PCDHGB1: variants seen among roughly 807,000 people sequenced by gnomAD.
PCDHGB1 encodes protocadherin gamma subfamily B, 1.
A neutral mutation model predicts 56.6 loss-of-function variants in PCDHGB1; 34 were observed. The observed-to-expected ratio is 0.60, with a 90% CI of 0.46 to 0.80. PCDHGB1 has a LOEUF of 0.80. Among genes scored for constraint, PCDHGB1 ranks in the 30% least tolerant of loss-of-function variants. The pLI is 0.00. For synonymous variants in PCDHGB1, 561 were observed against 505.9 expected (o/e 1.11, Z -1.46); for missense variants, 1,278 against 1,204.6 (o/e 1.06, Z -0.90).
At position 141,438,243 on chromosome 5, in the gene PCDHGB1, A is replaced by C. The variant is rs1445738408; in HGVS notation, c.2410-56564A>C. ...TGGTTCAGGAAAATGTTTTTAAAAA[A>C]CTGTCATTGAAGAGACCATAGAATC... On this transcript the variant is annotated intron_variant, in intron 1 of 3. Coordinates refer to ENST00000523390, the MANE Select transcript of PCDHGB1 (RefSeq NM_018922.3). Among the ~76,000 whole-genome samples, 3 of 152,250 alleles carry C rather than the reference A, an allele frequency of 2.0e-5. No individual in the cohort carries two copies. In the East Asian group the frequency reaches 5.8e-4, roughly 29 times the overall value.
At chr5:141,384,331 G>C (rs376216978) in intron 1 of PCDHGB1, 1 of 1,613,728 alleles carries the variant, frequency 6.2e-7, no homozygotes, top group Non-Finnish European at 8.5e-7. Flanking sequence ...GACTGCACAG[G>C]ACCACGACAG....
At chr5:141,499,620 G>A (rs557854340) in intron 2 of PCDHGB1, among the ~76,000 whole-genome samples, 1 of 150,986 alleles carries the variant, frequency 6.6e-6, no homozygotes, top group Non-Finnish European at 1.5e-5. Context: ...TCCTGTCCTT[G>A]GATTCTTTTG....
At chr5:141,383,709 C>T in intron 1 of PCDHGB1, 1 of 1,613,896 alleles carries the variant, frequency 6.2e-7, no homozygotes, top group Non-Finnish European at 8.5e-7. Context: ...TCGACCTGGA[C>T]GAGGGAGTCA....
chr5:141,375,643 CGACTAT>C, intron 1 of PCDHGB1: 1 of 1,614,210 alleles, frequency 6.2e-7, no homozygotes, highest in Non-Finnish European at 8.5e-7. Context: ...TGCGCTCCTT[CGACTAT>C]GAGCAGTTGA....
At chr5:141,433,212 T>C (rs747556366) in intron 1 of PCDHGB1, 75 of 1,570,956 alleles carry the variant, frequency 4.8e-5, no homozygotes, top group Non-Finnish European at 6.2e-5. Flanking sequence ...TTCTTTCTTT[T>C]TTTTTTTTAA....
intron 1 of PCDHGB1, chr5:141,427,468 C>T: frequency 2.0e-6 from 1 of 509,312 alleles, no homozygotes; most frequent in Middle Eastern, 3.0e-4. Flanking sequence ...ATCGAATCTT[C>T]CGCCAATAAT....
intron 1 of PCDHGB1, chr5:141,421,223 C>T: frequency 6.3e-7 from 1 of 1,580,314 alleles, no homozygotes. Context: ...GGCTTAGAGC[C>T]TGCCATGGCG....
intron 1 of PCDHGB1, chr5:141,479,313 G>C (rs926148640): frequency 2.0e-5 from 3 of 152,456 alleles, no homozygotes; most frequent in Non-Finnish European, 2.9e-5. Context: ...AAAACATAAA[G>C]TAGCCAGACT....
chr5:141,393,121 T>A, intron 1 of PCDHGB1: 1 of 1,613,428 alleles, frequency 6.2e-7, no homozygotes, highest in African/African-American at 1.3e-5. Context: ...CCGCGGTGTC[T>A]GATAAATATT....
At chr5:141,507,183 C>T (rs2099859036) in intron 3 of PCDHGB1, 1 of 152,428 alleles carries the variant, frequency 6.6e-6, no homozygotes, top group Non-Finnish European at 1.5e-5. Flanking sequence ...TCCTCGAGCT[C>T]TGCTTTATTC....
Position 141,365,034 on chromosome 5 carries a change from C to T in PCDHGB1, c.2409+12365C>T, listed in dbSNP as rs759635927. The T allele has an allele frequency of 8.7e-6, 14 of 1,613,758 alleles. No homozygotes were observed. The African/African-American group carries it at 1.7e-4, about 20-fold the overall frequency. ...CACATCCGTGTTACGGTCCTCGACGCAAACGACAATGCGCCCCTGTTCACC... is the reference window on the plus strand; with the variant it reads ...CACATCCGTGTTACGGTCCTCGACGTAAACGACAATGCGCCCCTGTTCACC... On this transcript the variant is annotated intron_variant, in intron 1 of 3. Coordinates refer to ENST00000523390, the MANE Select transcript of PCDHGB1 (RefSeq NM_018922.3).
At chr5:141,413,182 G>T (rs752788034) in intron 1 of PCDHGB1, 2 of 1,604,164 alleles carry the variant, frequency 1.2e-6, no homozygotes, top group Admixed American at 3.4e-5. Flanking sequence ...TACAATGGCC[G>T]CTCAAAGGAA....
At chr5:141,388,606 T>G in intron 1 of PCDHGB1, 1 of 1,613,906 alleles carries the variant, frequency 6.2e-7, no homozygotes, top group South Asian at 1.1e-5. Context: ...AATGCTCCAG[T>G]GTTCAGTCAA....
intron 1 of PCDHGB1, among the ~76,000 whole-genome samples, chr5:141,463,542 G>A (rs1376087953): frequency 7.1e-6 from 1 of 141,810 alleles, no homozygotes; most frequent in African/African-American, 2.6e-5. Context: ...TCCGGCTCCC[G>A]GGTTCATGCC....
chr5:141,465,995 A>C lies in PCDHGB1; in HGVS notation c.2410-28812A>C, dbSNP rs551920109. On this transcript the variant is annotated intron_variant, in intron 1 of 3. Coordinates refer to ENST00000523390, the MANE Select transcript of PCDHGB1 (RefSeq NM_018922.3). ...AAATTAGCCGGGCATGGTGGCAGGC[A>C]CCTGTAGTCCCAGCTACTCGGGAGG... Among the ~76,000 whole-genome samples the C allele has an allele frequency of 1.3e-4, 20 of 151,982 alleles. No homozygotes were observed. In the South Asian group the frequency reaches 4.2e-3, roughly 32 times the overall value.
intron 1 of PCDHGB1, chr5:141,357,263 G>A (rs2149795204): frequency 1.9e-6 from 3 of 1,613,814 alleles, no homozygotes; most frequent in East Asian, 4.5e-5. Context: ...GACGACTCGG[G>A]CCTCACACTC....
chr5:141,370,392 G>GGGATGGGAAATAGCTCC, intron 1 of PCDHGB1: 1 of 1,544,790 alleles, frequency 6.5e-7, no homozygotes, highest in Non-Finnish European at 8.7e-7. Context: ...CGCAGAGAGC[G>GGGATGGGAAATAGCTCC]GGATGGGAAA....
intron 1 of PCDHGB1, chr5:141,371,092 C>T (rs1348283879): frequency 6.2e-7 from 1 of 1,613,802 alleles, no homozygotes. Context: ...GTAATTGTCG[C>T]AGATGCAAAT....
chr5:141,393,910 T>C, intron 1 of PCDHGB1: 1 of 1,613,998 alleles, frequency 6.2e-7, no homozygotes, highest in Admixed American at 1.7e-5. Flanking sequence ...GGGACAGTAA[T>C]TGCCTTCTTG....
Sources: gnomAD v4.1 joint callset for allele counts (sites outside exome capture counted in the v4.1 genomes callset) on GRCh38, gnomAD v4.1.1 for gene constraint, MANE v1.5 for transcripts, NCBI Gene and HGNC (gene_info 2026-07-23, HGNC 2026-07-21) for gene names.